ZSCAN25: variants seen among roughly 807,000 people sequenced by gnomAD.
The protein encoded by ZSCAN25 is zinc finger and SCAN domain containing 25, also known as zinc finger and SCAN domain-containing protein 25.
A neutral mutation model predicts 38.7 loss-of-function variants in ZSCAN25; 27 were observed. The ratio of observed to expected loss-of-function variants is 0.70; its 90% CI spans 0.51 to 0.96. The LOEUF is 0.96. Among genes scored for constraint, ZSCAN25 ranks in the 40% least tolerant of loss-of-function variants. ZSCAN25 has a pLI of 0.00. For missense variants in ZSCAN25, 637 were observed against 705.9 expected (o/e 0.90, Z 1.11); for synonymous variants, 273 against 277.7 (o/e 0.98, Z 0.17).
chr7:99,725,406 G>T, the ZSCAN25 span, among the ~76,000 whole-genome samples: 5 of 152,180 alleles, frequency 3.3e-5, no homozygotes, highest in African/African-American at 1.2e-4. Context: ...AAGTGACAAT[G>T]CATCTCTGAA....
At chr7:99,722,167 C>T in the ZSCAN25 span, 6 of 1,147,202 alleles carry the variant, frequency 5.2e-6, no homozygotes, top group South Asian at 4.0e-5. Context: ...TTCAGAAAAC[C>T]TCTCTGTTTG....
At chr7:99,733,138 C>G in the ZSCAN25 span, among the ~76,000 whole-genome samples, 1 of 152,212 alleles carries the variant, frequency 6.6e-6, no homozygotes, top group Non-Finnish European at 1.5e-5. Flanking sequence ...TCTACCACAA[C>G]CAGGGTGGCC....
the ZSCAN25 span, chr7:99,722,390 T>A: frequency 1.2e-6 from 2 of 1,607,648 alleles, no homozygotes; most frequent in Non-Finnish European, 1.7e-6. Context: ...TTATTTTAAG[T>A]GTACTTAACC....
At chr7:99,733,928 G>C in the ZSCAN25 span, among the ~76,000 whole-genome samples, 17 of 152,164 alleles carry the variant, frequency 1.1e-4, no homozygotes, top group Non-Finnish European at 1.8e-4. Flanking sequence ...TCTTGTCCTA[G>C]AGATATATAT....
the ZSCAN25 span, among the ~76,000 whole-genome samples, chr7:99,661,420 G>A: frequency 3.3e-5 from 5 of 152,180 alleles, no homozygotes; most frequent in Non-Finnish European, 5.9e-5. Flanking sequence ...ACTATCTCAG[G>A]ATGTACAAGA....
chr7:99,619,602 T>C lies in ZSCAN25; in HGVS notation c.-5T>C. 6.2e-7 allele frequency: 1 copy of C among 1,609,100 alleles called. No individual in the cohort carries two copies. Among genetic ancestry groups the C allele is most frequent in the Non-Finnish European group, 8.5e-7 (1 of 1,176,744 alleles). The stretch of plus-strand genomic sequence containing the variant: ...ATTCTCAGTCTCCTCGGAGGGAGTC[T>C]GAAGATGCTTAAAGAGCATCCAGAG... On this transcript the variant is annotated 5_prime_UTR_variant, in exon 4 of 8. The change abolishes the stop of an existing upstream ORF in the 5' untranslated region. Coordinates refer to ENST00000394152, the MANE Select transcript of ZSCAN25 (RefSeq NM_145115.3).
the ZSCAN25 span, chr7:99,665,299 G>A: frequency 4.3e-6 from 7 of 1,614,032 alleles, no homozygotes; most frequent in Admixed American, 1.2e-4. Flanking sequence ...CATCCATGCT[G>A]TAGGCCCCAA....
At chr7:99,684,393 C>A in the ZSCAN25 span, among the ~76,000 whole-genome samples, 1 of 152,056 alleles carries the variant, frequency 6.6e-6, no homozygotes, top group African/African-American at 2.4e-5. Flanking sequence ...GTCTCGAACT[C>A]CTGACCTCAG....
chr7:99,642,867 T>C, the ZSCAN25 span, among the ~76,000 whole-genome samples: 5 of 152,202 alleles, frequency 3.3e-5, no homozygotes, highest in African/African-American at 1.2e-4. Context: ...CAAGCTCAGA[T>C]TGTTTTGTTA....
the ZSCAN25 span, chr7:99,714,445 T>C: frequency 1.3e-5 from 20 of 1,521,638 alleles, no homozygotes; most frequent in East Asian, 2.3e-5. Flanking sequence ...AAGTACTCTT[T>C]ATGTTAAAAT....
the ZSCAN25 span, among the ~76,000 whole-genome samples, chr7:99,713,241 C>G: frequency 3.3e-5 from 5 of 152,288 alleles, no homozygotes; most frequent in East Asian, 9.6e-4. Context: ...CTGACTCTTC[C>G]TGGCATGCCA....
chr7:99,617,023 G>T lies in ZSCAN25; in HGVS notation c.-259+7G>T, dbSNP rs973195113. ...CCCTTCAGGGCCGCGGCGGGTGAGAGCCTCTTCAGGGCCGCAGCGGGTGGC... is the reference window on the plus strand; with the variant it reads ...CCCTTCAGGGCCGCGGCGGGTGAGATCCTCTTCAGGGCCGCAGCGGGTGGC... On this transcript the variant is annotated splice_region_variant and intron_variant, in intron 1 of 7. Transcript: ENST00000394152. 1 of 152,284 alleles carries T rather than the reference G, an allele frequency of 6.6e-6. No homozygotes were observed. The highest frequency in any genetic ancestry group is 6.5e-5 in the Admixed American group (1 of 15,288). The allele number at this position is 152,284 out of a possible 1,614,324, so 9.4% of individuals were successfully genotyped here. A position where few individuals can be genotyped will look rare whatever the true frequency, so the allele number is the denominator to read the frequency against.
At chr7:99,698,017 A>T in the ZSCAN25 span, among the ~76,000 whole-genome samples, 21 of 152,202 alleles carry the variant, frequency 1.4e-4, no homozygotes, top group African/African-American at 5.1e-4. Flanking sequence ...CTAGACTCAC[A>T]TGGTTCCATG....
the ZSCAN25 span, among the ~76,000 whole-genome samples, chr7:99,669,134 A>G: frequency 6.6e-6 from 1 of 152,228 alleles, no homozygotes; most frequent in Non-Finnish European, 1.5e-5. Flanking sequence ...ACCCTAAAAA[A>G]CAAAAATTAT....
At chr7:99,684,978 AG>A in the ZSCAN25 span, 1 of 554,952 alleles carries the variant, frequency 1.8e-6, no homozygotes. Context: ...CTACACAGAC[AG>A]GGAGAGAGCT....
the ZSCAN25 span, chr7:99,666,657 T>C: frequency 1.2e-6 from 2 of 1,614,066 alleles, no homozygotes; most frequent in South Asian, 2.2e-5. Flanking sequence ...TTCTCACCAA[T>C]ACATCTCCAT....
chr7:99,671,911 A>T, the ZSCAN25 span: 3 of 695,692 alleles, frequency 4.3e-6, no homozygotes, highest in Admixed American at 6.2e-5. Context: ...AGAACTACCC[A>T]CACACATAAA....
At chr7:99,715,368 C>A in the ZSCAN25 span, 2 of 250,518 alleles carry the variant, frequency 8.0e-6, no homozygotes, top group South Asian at 1.0e-4. Context: ...CGGAGAAGGG[C>A]AAACTAAGCC....
At chr7:99,681,788 G>A in the ZSCAN25 span, among the ~76,000 whole-genome samples, 294 of 152,186 alleles carry the variant, frequency 1.9e-3, 1 homozygote, top group Non-Finnish European at 3.5e-3. Context: ...TGCTTTCTTT[G>A]TGGTACAGAA....
Sources: allele counts gnomAD v4.1 joint callset (sites outside exome capture counted in the v4.1 genomes callset), GRCh38; gene constraint gnomAD v4.1.1; transcripts MANE v1.5; gene names NCBI Gene and HGNC (gene_info 2026-07-23, HGNC 2026-07-21).